Variants in COL5A2 observed in about 807,000 individuals in gnomAD.
COL5A2 encodes the protein collagen type V alpha 2 chain.
In COL5A2, 23 loss-of-function variants were observed where a neutral mutation model predicts 208.2. The observed-to-expected ratio is 0.11, with a 90% CI of 0.08 to 0.16. The LOEUF is 0.16. Among genes scored for constraint, COL5A2 ranks in the 10% least tolerant of loss-of-function variants. The pLI, the probability that COL5A2 is intolerant of heterozygous loss-of-function variation, is 1.00. For missense variants in COL5A2, 1,590 were observed against 1,956.4 expected (o/e 0.81, Z 3.53); for synonymous variants, 625 against 628.5 (o/e 0.99, Z 0.08).
At chr2:189,213,933 AT>A (rs1689247397) in intron 1 of COL5A2, among the ~76,000 whole-genome samples, 1 of 152,164 alleles carries the variant, frequency 6.6e-6, no homozygotes, top group Admixed American at 6.5e-5. Flanking sequence ...TATTTGCCTT[AT>A]TATATTTCAT....
At chr2:189,172,965 CTT>C (rs1688601094) in intron 1 of COL5A2, among the ~76,000 whole-genome samples, 2 of 120,192 alleles carry the variant, frequency 1.7e-5, no homozygotes, top group African/African-American at 3.3e-5. Context: ...CATTTTTCCT[CTT>C]CTTTTTTTTT....
intron 1 of COL5A2, among the ~76,000 whole-genome samples, chr2:189,218,687 G>A (rs1337458597): frequency 6.6e-6 from 1 of 152,144 alleles, no homozygotes; most frequent in African/African-American, 2.4e-5. Flanking sequence ...GGTTTAAAAT[G>A]TATAAAACCA....
the COL5A2 span, among the ~76,000 whole-genome samples, chr2:189,386,889 A>C: frequency 6.6e-6 from 1 of 152,320 alleles, no homozygotes; most frequent in South Asian, 2.1e-4. Flanking sequence ...AATGTAAATT[A>C]GTTCAGCCAC....
chr2:189,336,640 T>C, the COL5A2 span, among the ~76,000 whole-genome samples: 2 of 152,206 alleles, frequency 1.3e-5, no homozygotes, highest in Non-Finnish European at 2.9e-5. Context: ...TATGAATCAA[T>C]GTATATGAAG....
chr2:189,072,090 G>A lies in COL5A2; in HGVS notation c.1108C>T (p.Pro370Ser). 1.2e-6 allele frequency: 2 copies of A among 1,607,042 alleles called. No individual in the cohort carries two copies. Among genetic ancestry groups the A allele is most frequent in the Non-Finnish European group, 8.5e-7 (1 of 1,174,930 alleles). The change falls in exon 18 of 54, where the codon CCT becomes TCT. Residue 370 changes from proline (P) to serine (S), a missense_variant. Coordinates refer to ENST00000374866, the MANE Select transcript of COL5A2 (RefSeq NM_000393.5). ...GMPGKPGPMG[P>S]LGIPGSSGFP... ...CCAGAAGAGCCTGGTATCCCAAGAG[G>A]ACCCTATTAAAAGAAACCAGAAAAG... is the stretch of plus-strand genomic sequence containing the variant.
intron 1 of COL5A2, among the ~76,000 whole-genome samples, chr2:189,169,022 T>C (rs1209916779): frequency 1.3e-5 from 2 of 152,122 alleles, no homozygotes; most frequent in Non-Finnish European, 2.9e-5. Flanking sequence ...TTTTGGAAAG[T>C]GAAGAGACTT....
At chr2:189,133,355 G>A (rs980505960) in intron 1 of COL5A2, among the ~76,000 whole-genome samples, 10 of 151,636 alleles carry the variant, frequency 6.6e-5, no homozygotes, top group African/African-American at 2.2e-4. Context: ...TCTTGACTGC[G>A]TAATCCACCC....
At chr2:189,192,219 A>C (rs1422477288) in intron 1 of COL5A2, among the ~76,000 whole-genome samples, 1 of 152,216 alleles carries the variant, frequency 6.6e-6, no homozygotes, top group African/African-American at 2.4e-5. Context: ...TATAGTTCTA[A>C]ATTCCAAATC....
the COL5A2 span, among the ~76,000 whole-genome samples, chr2:189,313,745 A>G: frequency 1.3e-5 from 2 of 152,222 alleles, no homozygotes; most frequent in Non-Finnish European, 1.5e-5. Context: ...GGGATGGAGG[A>G]AAATCTACCA....
chr2:189,228,727 C>T (rs1421691254), upstream of COL5A2, among the ~76,000 whole-genome samples: 1 of 151,790 alleles, frequency 6.6e-6, no homozygotes, highest in Non-Finnish European at 1.5e-5. Flanking sequence ...ATAAAACCTA[C>T]CAAACATTTA....
At chr2:189,078,069 A>G (rs116063467) in intron 16 of COL5A2, among the ~76,000 whole-genome samples, 2,643 of 152,278 alleles carry the variant, frequency 0.017, 64 homozygotes, top group African/African-American at 0.061. Context: ...GGAGGCTCAC[A>G]TCTTTCAAAG....
At chr2:189,257,626 G>A in the COL5A2 span, among the ~76,000 whole-genome samples, 1 of 152,172 alleles carries the variant, frequency 6.6e-6, no homozygotes, top group African/African-American at 2.4e-5. Flanking sequence ...ATTTTAAGAT[G>A]TGTGATATGC....
At chr2:189,385,710 T>C in the COL5A2 span, among the ~76,000 whole-genome samples, 4 of 151,814 alleles carry the variant, frequency 2.6e-5, no homozygotes, top group African/African-American at 9.7e-5. Flanking sequence ...AGGCATCACA[T>C]TACCTGACTT....
chr2:189,160,305 C>G (rs931251487), intron 1 of COL5A2, among the ~76,000 whole-genome samples: 1 of 152,128 alleles, frequency 6.6e-6, no homozygotes, highest in Non-Finnish European at 1.5e-5. Flanking sequence ...TTTGTAGAGG[C>G]AGAAGACACC....
chr2:189,326,163 A>T, the COL5A2 span, among the ~76,000 whole-genome samples: 2 of 152,134 alleles, frequency 1.3e-5, no homozygotes, highest in African/African-American at 4.8e-5. Context: ...TGAGATCACA[A>T]CAGCATATTC....
the COL5A2 span, among the ~76,000 whole-genome samples, chr2:189,230,659 A>G: frequency 3.3e-5 from 5 of 151,878 alleles, no homozygotes; most frequent in Non-Finnish European, 5.9e-5. Flanking sequence ...TGCTAAGATG[A>G]CCATTATGTT....
At chr2:189,233,631 T>C in the COL5A2 span, among the ~76,000 whole-genome samples, 1 of 151,760 alleles carries the variant, frequency 6.6e-6, no homozygotes, top group South Asian at 2.1e-4. Context: ...TGTTTTATTG[T>C]TGGAAGAAGT....
chr2:189,221,164 A>G (rs1261293294), intron 1 of COL5A2, among the ~76,000 whole-genome samples: 1 of 152,208 alleles, frequency 6.6e-6, no homozygotes. Flanking sequence ...ATCTCAACAG[A>G]AATCGAAATC....
rs200302438 is a variant in COL5A2, at chr2:189,149,387, CTG to C, written c.97+30119_97+30120del. 7.1e-3 allele frequency among the ~76,000 whole-genome samples: 1,084 copies of C among 152,212 alleles called. 6 individuals carry two copies. Among genetic ancestry groups the C allele is most frequent in the Admixed American group, 0.015 (233 of 15,288 alleles). On this transcript the variant is annotated intron_variant, in intron 1 of 53. Coordinates refer to ENST00000374866, the MANE Select transcript of COL5A2 (RefSeq NM_000393.5). ...ATTAATAATATTGGAACCTTAATAT[CTG>C]ATTGATAACTAAAACTTTGGCCTCC...
Sources: gnomAD v4.1 joint callset for allele counts (sites outside exome capture counted in the v4.1 genomes callset) on GRCh38, gnomAD v4.1.1 for gene constraint, MANE v1.5 for transcripts, NCBI Gene and HGNC (gene_info 2026-07-23, HGNC 2026-07-21) for gene names.